Variants in PCDH11X observed in about 807,000 individuals in gnomAD.
The protein encoded by PCDH11X is protocadherin 11 X-linked.
In PCDH11X, 18 loss-of-function variants were observed where a neutral mutation model predicts 53.3. The observed-to-expected ratio is 0.34, with a 90% CI of 0.23 to 0.50. PCDH11X has a LOEUF of 0.50. Among genes scored for constraint, PCDH11X ranks in the 20% least tolerant of loss-of-function variants. PCDH11X has a pLI of 0.98. For synonymous variants in PCDH11X, 279 were observed against 393.3 expected (o/e 0.71, Z 3.44); for missense variants, 570 against 1,032.4 (o/e 0.55, Z 6.14).
chrX:92,583,126 TTCTC>T (rs913705997), intron 10 of PCDH11X, among the ~76,000 whole-genome samples: 10 of 96,270 alleles, frequency 1.0e-4, no homozygotes, highest in African/African-American at 3.9e-4. Context: ...TTTAGATGGA[TTCTC>T]TCTCTGTCGC....
intron 6 of PCDH11X, among the ~76,000 whole-genome samples, chrX:91,981,383 C>T (rs1459687176): frequency 9.1e-6 from 1 of 109,989 alleles, no homozygotes; most frequent in East Asian, 2.9e-4. Flanking sequence ...ATTGTATATT[C>T]CACAAAGATC....
intron 6 of PCDH11X, among the ~76,000 whole-genome samples, chrX:92,079,068 T>C (rs2063816814): frequency 9.0e-6 from 1 of 110,598 alleles, no homozygotes; most frequent in Non-Finnish European, 1.9e-5. Context: ...TTGTAATAAA[T>C]GGCTACAAAC....
chrX:92,429,488 A>G (rs1395266241), intron 9 of PCDH11X, among the ~76,000 whole-genome samples: 1 of 108,095 alleles, frequency 9.3e-6, no homozygotes, highest in Non-Finnish European at 1.9e-5. Flanking sequence ...CAAGGAGTGA[A>G]ATTTTAAAAT....
intron 8 of PCDH11X, among the ~76,000 whole-genome samples, chrX:92,362,207 C>T (rs1336890093): frequency 2.7e-5 from 3 of 109,375 alleles, no homozygotes; most frequent in Non-Finnish European, 5.7e-5. Context: ...TTTGAGAAAT[C>T]GCTACACTGT....
At chrX:92,303,784 A>G (rs954230109) in intron 8 of PCDH11X, among the ~76,000 whole-genome samples, 6 of 110,234 alleles carry the variant, frequency 5.4e-5, no homozygotes, top group African/African-American at 2.0e-4. Flanking sequence ...TTTCCTTCCC[A>G]TGAAGAGTAC....
intron 9 of PCDH11X, among the ~76,000 whole-genome samples, chrX:92,417,670 A>T (rs1168003834): frequency 1.8e-5 from 2 of 110,914 alleles, no homozygotes; most frequent in African/African-American, 6.5e-5. Context: ...GGTAAAAATG[A>T]CTGGTGGAAA....
chrX:91,797,239 T>A (rs1411247038), intron 1 of PCDH11X, among the ~76,000 whole-genome samples: 1 of 111,128 alleles, frequency 9.0e-6, no homozygotes, highest in African/African-American at 3.3e-5. Flanking sequence ...CTGGTGAATG[T>A]GAACACACAC....
rs1462402205 is a variant in PCDH11X, at chrX:92,119,937, T to C, written c.3034-81438T>C. Among the ~76,000 whole-genome samples the C allele has an allele frequency of 2.7e-5, 3 of 110,222 alleles. No homozygotes were observed. In the East Asian group the frequency reaches 8.5e-4, roughly 31 times the overall value. The stretch of plus-strand genomic sequence containing the variant: ...TACTTTTTGAGAGAAGAAATAGCTT[T>C]GTAGTCTTGATACATATTGTCAGGT... On this transcript the variant is annotated intron_variant, in intron 6 of 10. Coordinates refer to ENST00000682573, the MANE Select transcript of PCDH11X (RefSeq NM_032968.5).
intron 6 of PCDH11X, among the ~76,000 whole-genome samples, chrX:91,979,217 G>T (rs1281614662): frequency 9.3e-6 from 1 of 107,291 alleles, no homozygotes; most frequent in Non-Finnish European, 1.9e-5. Context: ...AGAGTGAGGT[G>T]TCACAAATTC....
intron 6 of PCDH11X, among the ~76,000 whole-genome samples, chrX:92,076,827 G>T (rs2063780157): frequency 9.0e-6 from 1 of 111,518 alleles, no homozygotes; most frequent in Non-Finnish European, 1.9e-5. Flanking sequence ...TTATTTTCTG[G>T]CACCAAAAAT....
chrX:92,276,993 G>T (rs969560071), intron 8 of PCDH11X, among the ~76,000 whole-genome samples: 3 of 111,344 alleles, frequency 2.7e-5, no homozygotes, highest in South Asian at 3.8e-4. Context: ...GGTGGGGGAG[G>T]GCTAGTCACG....
intron 8 of PCDH11X, among the ~76,000 whole-genome samples, chrX:92,356,374 A>C (rs2148533714): frequency 9.9e-6 from 1 of 100,949 alleles, no homozygotes; most frequent in African/African-American, 3.6e-5. Flanking sequence ...TATGTCATAT[A>C]AATTCTATTA....
At chrX:92,553,610 T>G (rs2074999241) in intron 10 of PCDH11X, among the ~76,000 whole-genome samples, 1 of 109,948 alleles carries the variant, frequency 9.1e-6, no homozygotes, top group South Asian at 3.8e-4. Context: ...CTAATTTTGG[T>G]TTGGAATGCT....
chrX:92,021,716 T>G (rs1360285096), intron 6 of PCDH11X, among the ~76,000 whole-genome samples: 1 of 103,580 alleles, frequency 9.7e-6, no homozygotes, highest in East Asian at 3.2e-4. Flanking sequence ...GAACACATAA[T>G]CATTAGATTC....
At chrX:92,137,506 A>T (rs1216469657) in intron 6 of PCDH11X, among the ~76,000 whole-genome samples, 2 of 109,881 alleles carry the variant, frequency 1.8e-5, no homozygotes, top group African/African-American at 6.9e-5. Context: ...AGTATATAAG[A>T]TCCTTTTCAT....
chrX:92,308,916 A>T (rs2068887290), intron 8 of PCDH11X, among the ~76,000 whole-genome samples: 1 of 110,331 alleles, frequency 9.1e-6, no homozygotes, highest in Non-Finnish European at 1.9e-5. Context: ...GAAAAATACA[A>T]ATTAAAACCA....
At chrX:91,923,512 T>A (rs1941825117) in intron 6 of PCDH11X, among the ~76,000 whole-genome samples, 1 of 110,474 alleles carries the variant, frequency 9.1e-6, no homozygotes, top group Non-Finnish European at 1.9e-5. Context: ...TTTGGGACTC[T>A]TGGGCTTACA....
At chrX:92,337,964 A>C (rs957993487) in intron 8 of PCDH11X, among the ~76,000 whole-genome samples, 2 of 111,489 alleles carry the variant, frequency 1.8e-5, no homozygotes, top group Non-Finnish European at 1.9e-5. Context: ...CTTACATATA[A>C]ATTTCCATAA....
intron 7 of PCDH11X, among the ~76,000 whole-genome samples, chrX:92,239,375 T>C (rs2067224787): frequency 9.0e-6 from 1 of 111,538 alleles, no homozygotes; most frequent in South Asian, 3.7e-4. Flanking sequence ...GATGCCAAAT[T>C]TAAAAACCAT....
Sources: allele counts gnomAD v4.1 joint callset (sites outside exome capture counted in the v4.1 genomes callset), GRCh38; gene constraint gnomAD v4.1.1; transcripts MANE v1.5; gene names NCBI Gene and HGNC (gene_info 2026-07-23, HGNC 2026-07-21).